Variants in EPHA3 observed in about 807,000 individuals in gnomAD.
EPHA3 encodes ephrin type-A receptor 3.
EPHA3 carries 42 observed loss-of-function variants against 107.1 expected under a neutral mutation model. The observed-to-expected ratio is 0.39, with a 90% CI of 0.31 to 0.51. The LOEUF (loss-of-function observed/expected upper bound fraction) is 0.51. EPHA3 is among the 20% of genes least tolerant of loss of function. The pLI, the probability that EPHA3 is intolerant of heterozygous loss-of-function variation, is 0.78. For missense variants in EPHA3, 1,183 were observed against 1,211.2 expected (o/e 0.98, Z 0.35); for synonymous variants, 461 against 424.8 (o/e 1.09, Z -1.05).
At chr3:89,316,155 C>A (rs1443133459) in intron 3 of EPHA3, among the ~76,000 whole-genome samples, 3 of 151,766 alleles carry the variant, frequency 2.0e-5, no homozygotes, top group Non-Finnish European at 4.4e-5. Flanking sequence ...AATACTATAG[C>A]TGGCACGAAA....
intron 2 of EPHA3, among the ~76,000 whole-genome samples, chr3:89,144,475 A>C (rs1388389245): frequency 6.6e-6 from 1 of 151,680 alleles, no homozygotes; most frequent in Non-Finnish European, 1.5e-5. Flanking sequence ...GTACTTATTG[A>C]GGTGTGCTTC....
chr3:89,279,276 G>A (rs1420773159), intron 3 of EPHA3, among the ~76,000 whole-genome samples: 1 of 151,864 alleles, frequency 6.6e-6, no homozygotes, highest in Non-Finnish European at 1.5e-5. Context: ...TTGAAAGAAA[G>A]TCTTTTCTTT....
chr3:89,388,770 T>A (rs544150651), intron 5 of EPHA3, among the ~76,000 whole-genome samples: 1 of 152,312 alleles, frequency 6.6e-6, no homozygotes, highest in South Asian at 2.1e-4. Flanking sequence ...TCTGCTATCA[T>A]CTTCTTAAAA....
rs1466279815 is a variant in EPHA3 at position 89,257,294 on chromosome 3, C to T, written c.814+46774C>T. Among the ~76,000 whole-genome samples, 19 of 152,200 alleles carry T rather than the reference C, an allele frequency of 1.2e-4. 1 individual carries two copies. Among genetic ancestry groups the T allele is most frequent in the Admixed American group, 1.2e-3 (19 of 15,274 alleles). Reference sequence around the variant, plus strand: ...CCTTGATAACGTTAAAAAATCCAAACACTTCCTACTCTGTTGAATTGTACT... The same window carrying T: ...CCTTGATAACGTTAAAAAATCCAAATACTTCCTACTCTGTTGAATTGTACT... On this transcript the variant is annotated intron_variant, in intron 3 of 16. Transcript: ENST00000336596.
intron 3 of EPHA3, among the ~76,000 whole-genome samples, chr3:89,217,987 C>T (rs1367888314): frequency 6.6e-6 from 1 of 152,036 alleles, no homozygotes; most frequent in Non-Finnish European, 1.5e-5. Flanking sequence ...GATTCATTTA[C>T]TGTTTATCTC....
At chr3:89,443,947 A>C (rs764989086) in intron 13 of EPHA3, among the ~76,000 whole-genome samples, 1 of 152,180 alleles carries the variant, frequency 6.6e-6, no homozygotes, top group African/African-American at 2.4e-5. Context: ...AAGAAAGACC[A>C]TGTATTTGGG....
chr3:89,324,433 C>T lies in EPHA3; in HGVS notation c.815-16483C>T, dbSNP rs112131637. Among the ~76,000 whole-genome samples the T allele has an allele frequency of 4.7e-3, 711 of 151,950 alleles. 4 individuals are homozygous for T. Among genetic ancestry groups the T allele is most frequent in the African/African-American group, 0.016 (678 of 41,520 alleles). ...TGATCCACCTGCCTAGGCCTCCAGG[C>T]GCTGTGGCTCACGCTTGTGCTGGGA... On this transcript the variant is annotated intron_variant, in intron 3 of 16. Coordinates refer to ENST00000336596, the MANE Select transcript of EPHA3 (RefSeq NM_005233.6).
chr3:89,226,931 G>A lies in EPHA3; in HGVS notation c.814+16411G>A, dbSNP rs74896300. The stretch of plus-strand genomic sequence containing the variant: ...ATAAGATTGTTGAGTATAAAGTGGA[G>A]GTGCAGGGATATAGATGGTGATGTG... On this transcript the variant is annotated intron_variant, in intron 3 of 16. Coordinates refer to ENST00000336596, the MANE Select transcript of EPHA3 (RefSeq NM_005233.6). Among the ~76,000 whole-genome samples the A allele has an allele frequency of 2.6e-3, 389 of 152,104 alleles. 16 individuals carry two copies. In the East Asian group the frequency reaches 0.069, roughly 27 times the overall value.
intron 2 of EPHA3, among the ~76,000 whole-genome samples, chr3:89,207,059 T>G (rs1706122660): frequency 6.6e-6 from 1 of 152,144 alleles, no homozygotes; most frequent in Non-Finnish European, 1.5e-5. Flanking sequence ...GTTTTGTTTG[T>G]AAGTTAATAG....
chr3:89,439,693 A>T (rs1576378835), intron 13 of EPHA3, among the ~76,000 whole-genome samples: 2 of 151,542 alleles, frequency 1.3e-5, no homozygotes. Context: ...AACCTCATTG[A>T]ACTTTTAAAA....
At chr3:89,301,135 G>T (rs1706477973) in intron 3 of EPHA3, among the ~76,000 whole-genome samples, 1 of 152,012 alleles carries the variant, frequency 6.6e-6, no homozygotes, top group Non-Finnish European at 1.5e-5. Flanking sequence ...ACCATTTAGG[G>T]TTAAAAATAC....
chr3:89,314,225 C>T (rs1448420940), intron 3 of EPHA3, among the ~76,000 whole-genome samples: 1 of 151,608 alleles, frequency 6.6e-6, no homozygotes, highest in Non-Finnish European at 1.5e-5. Context: ...ATAAAATAAT[C>T]AGCACAAGGT....
chr3:89,360,259 C>T (rs938683053), intron 5 of EPHA3, among the ~76,000 whole-genome samples: 1 of 150,740 alleles, frequency 6.6e-6, no homozygotes, highest in African/African-American at 2.4e-5. Flanking sequence ...CAGTTTGCTC[C>T]TATAAATAGA....
chr3:89,191,572 G>C (rs2107141620), intron 2 of EPHA3, among the ~76,000 whole-genome samples: 2 of 152,300 alleles, frequency 1.3e-5, no homozygotes, highest in South Asian at 4.1e-4. Context: ...CACCCAGTCT[G>C]TGGTCTTTAG....
chr3:89,479,424 G>C lies in EPHA3; in HGVS notation c.2874G>C (p.Val958=), dbSNP rs1710582970. 1 of 1,614,092 alleles carries C rather than the reference G, an allele frequency of 6.2e-7. No individual in the cohort carries two copies. The highest frequency in any genetic ancestry group is 1.3e-5 in the African/African-American group (1 of 75,032). ...TDDMKKVGVT[V]VGPQKKIISS... Reference sequence around the variant, plus strand: ...ACATGAAAAAGGTTGGTGTCACCGTGGTTGGGCCACAGAAGAAGATCATCA... The same window carrying C: ...ACATGAAAAAGGTTGGTGTCACCGTCGTTGGGCCACAGAAGAAGATCATCA... Residue 958 remains valine (V), a synonymous_variant, in exon 17 of 17, where the codon GTG becomes GTC. Transcript: ENST00000336596.
At chr3:89,264,678 C>T (rs1576275422) in intron 3 of EPHA3, among the ~76,000 whole-genome samples, 1 of 152,226 alleles carries the variant, frequency 6.6e-6, no homozygotes, top group Admixed American at 6.5e-5. Flanking sequence ...AAGCATATGT[C>T]TTATTTGCTG....
At chr3:89,129,965 G>GA (rs908714156) in intron 2 of EPHA3, among the ~76,000 whole-genome samples, 1 of 152,048 alleles carries the variant, frequency 6.6e-6, no homozygotes, top group African/African-American at 2.4e-5. Flanking sequence ...AACTTAAGAG[G>GA]AAAAAATCAT....
intron 5 of EPHA3, among the ~76,000 whole-genome samples, chr3:89,359,758 C>CACACATATATATACATATATAT (rs1464169034): frequency 2.4e-5 from 2 of 84,494 alleles, no homozygotes; most frequent in Admixed American, 1.1e-4. Flanking sequence ...CACATATATA[C>CACACATATATATACATATATAT]ACATATATAC....
chr3:89,174,663 G>T (rs1442154488), intron 2 of EPHA3, among the ~76,000 whole-genome samples: 1 of 151,724 alleles, frequency 6.6e-6, no homozygotes, highest in Admixed American at 6.6e-5. Context: ...ATAAATCAGA[G>T]CCAACAGTCT....
Sources: allele counts gnomAD v4.1 joint callset (sites outside exome capture counted in the v4.1 genomes callset), GRCh38; gene constraint gnomAD v4.1.1; transcripts MANE v1.5; gene names NCBI Gene and HGNC (gene_info 2026-07-23, HGNC 2026-07-21).